The following ZBTB7C variants were observed in gnomAD, a reference collection of about 807,000 sequenced individuals.
The protein encoded by ZBTB7C is zinc finger and BTB domain-containing protein 7C.
In ZBTB7C, 8 loss-of-function variants were observed where a neutral mutation model predicts 25.7. The observed-to-expected ratio is 0.31, with a 90% CI of 0.18 to 0.56. The LOEUF is 0.56. Ranked by LOEUF, ZBTB7C falls within the 20% of genes least tolerant of loss-of-function variation. ZBTB7C has a pLI of 0.91. For synonymous variants in ZBTB7C, 394 were observed against 369.0 expected, an observed-to-expected ratio of 1.07 and a Z score of -0.78; for missense variants, 824 against 855.2, an observed-to-expected ratio of 0.96 and a Z score of 0.46.
In ZBTB7C at chr18:48,302,244, C is replaced by T. The variant is rs902853099; in HGVS notation, c.-79+35930G>A. Among the ~76,000 whole-genome samples the T allele has an allele frequency of 7.9e-5, 12 of 152,262 alleles. No individual in the cohort carries two copies. The East Asian group carries it at 1.4e-3, about 17-fold the overall frequency. ...CACACAGGCCAGTGAGGAGAGTGGA[C>T]GCCCCTGGAGTCTGGCTTCAGGAGA... On this transcript the variant is annotated intron_variant, in intron 2 of 4. Coordinates refer to ENST00000590800, the MANE Select transcript of ZBTB7C (RefSeq NM_001318841.2).
chr18:48,295,974 G>T (rs773507448), intron 2 of ZBTB7C, among the ~76,000 whole-genome samples: 1 of 152,176 alleles, frequency 6.6e-6, no homozygotes, highest in Non-Finnish European at 1.5e-5. Context: ...CTAGGATCCC[G>T]GGCTCGGTCA....
At chr18:48,234,373 A>C (rs2043325975) in intron 2 of ZBTB7C, among the ~76,000 whole-genome samples, 2 of 152,362 alleles carry the variant, frequency 1.3e-5, no homozygotes, top group South Asian at 4.1e-4. Flanking sequence ...AAAAATTGAA[A>C]AACAAACATG....
chr18:48,353,918 C>T (rs539716591), intron 1 of ZBTB7C, among the ~76,000 whole-genome samples: 63 of 152,290 alleles, frequency 4.1e-4, no homozygotes, highest in African/African-American at 1.5e-3. Context: ...TCCATTGCAG[C>T]AGGGTGGGAA....
intron 2 of ZBTB7C, among the ~76,000 whole-genome samples, chr18:48,313,467 C>G (rs2045870691): frequency 6.6e-6 from 1 of 152,210 alleles, no homozygotes; most frequent in Admixed American, 6.5e-5. Flanking sequence ...ACCCCCTCCC[C>G]TGCTCCCCAA....
chr18:48,244,173 A>G (rs1192430172), intron 2 of ZBTB7C, among the ~76,000 whole-genome samples: 1 of 152,140 alleles, frequency 6.6e-6, no homozygotes, highest in East Asian at 1.9e-4. Flanking sequence ...GAATAAATAG[A>G]AGGAGGCCAA....
At chr18:48,367,713 C>T in intron 1 of ZBTB7C, among the ~76,000 whole-genome samples, 1 of 152,004 alleles carries the variant, frequency 6.6e-6, no homozygotes, top group Non-Finnish European at 1.5e-5. Context: ...CCTAGACTTC[C>T]ACTCCAACCC....
intron 3 of ZBTB7C, among the ~76,000 whole-genome samples, chr18:48,160,569 G>A (rs548941977): frequency 1.1e-4 from 16 of 152,210 alleles, no homozygotes; most frequent in South Asian, 6.2e-4. Context: ...TAAAGATCCC[G>A]GTTAAATAAT....
At chr18:48,075,198 T>C (rs1339039654) in intron 3 of ZBTB7C, among the ~76,000 whole-genome samples, 4 of 152,212 alleles carry the variant, frequency 2.6e-5, no homozygotes, top group Non-Finnish European at 5.9e-5. Flanking sequence ...GCTTCATCAA[T>C]GTGCTGGGTA....
At chr18:48,412,004 C>T (rs549780950), upstream of ZBTB7C, among the ~76,000 whole-genome samples, 1 of 152,314 alleles carries the variant, frequency 6.6e-6, no homozygotes, top group Admixed American at 6.5e-5. Flanking sequence ...CAGTTATCAG[C>T]CATGTATCCT....
At chr18:48,162,339 C>T in intron 3 of ZBTB7C, 1 of 456,306 alleles carries the variant, frequency 2.2e-6, no homozygotes, top group Non-Finnish European at 4.4e-6. Flanking sequence ...TGAAGCCCAG[C>T]TCACCTACCT....
intron 1 of ZBTB7C, among the ~76,000 whole-genome samples, chr18:48,364,918 AC>A (rs1471194231): frequency 2.0e-5 from 3 of 152,200 alleles, no homozygotes; most frequent in Non-Finnish European, 4.4e-5. Context: ...TGGCCAGCTT[AC>A]TAAACACAGT....
intron 2 of ZBTB7C, among the ~76,000 whole-genome samples, chr18:48,195,343 A>T (rs541779338): frequency 6.6e-6 from 1 of 152,098 alleles, no homozygotes; most frequent in Non-Finnish European, 1.5e-5. Context: ...ATGTGGTGGG[A>T]GGTAATTGAA....
At chr18:48,224,157 T>C (rs748895959) in intron 2 of ZBTB7C, among the ~76,000 whole-genome samples, 51 of 152,318 alleles carry the variant, frequency 3.3e-4, no homozygotes, top group Non-Finnish European at 3.7e-4. Flanking sequence ...CAGTTGTCTA[T>C]GGTCTCTGCT....
At chr18:48,065,646 C>T (rs771739016) in intron 3 of ZBTB7C, among the ~76,000 whole-genome samples, 14 of 152,180 alleles carry the variant, frequency 9.2e-5, no homozygotes, top group Non-Finnish European at 1.3e-4. Context: ...GGGGCAAAGC[C>T]ACTGGTTGGG....
At chr18:48,109,735 T>C (rs1371870597) in intron 3 of ZBTB7C, among the ~76,000 whole-genome samples, 7 of 152,026 alleles carry the variant, frequency 4.6e-5, no homozygotes, top group Admixed American at 6.6e-5. Context: ...GGAGGTGCAT[T>C]TCCTATATGC....
chr18:48,335,309 C>T (rs114072816), intron 2 of ZBTB7C, among the ~76,000 whole-genome samples: 2,710 of 152,252 alleles, frequency 0.018, 77 homozygotes, highest in African/African-American at 0.062. Context: ...TTGATCGTCA[C>T]GGGGCAATTA....
At chr18:48,032,336 T>C (rs895998240) in intron 4 of ZBTB7C, among the ~76,000 whole-genome samples, 1 of 151,684 alleles carries the variant, frequency 6.6e-6, no homozygotes, top group East Asian at 1.9e-4. Flanking sequence ...AGGCTGGTCT[T>C]GAACTCCTGA....
chr18:48,155,275 A>T (rs2144913404), intron 3 of ZBTB7C, among the ~76,000 whole-genome samples: 1 of 151,152 alleles, frequency 6.6e-6, no homozygotes, highest in African/African-American at 2.4e-5. Flanking sequence ...CCCAGATACA[A>T]GAGGTAGCCA....
intron 2 of ZBTB7C, among the ~76,000 whole-genome samples, chr18:48,195,663 C>G (rs1105738): frequency 0.3 from 46,076 of 151,964 alleles, 7,319 homozygotes; most frequent in East Asian, 0.55. Flanking sequence ...TTTTTTTCCA[C>G]TTGAATGACA....
Sources: allele counts gnomAD v4.1 joint callset (sites outside exome capture counted in the v4.1 genomes callset), GRCh38; gene constraint gnomAD v4.1.1; transcripts MANE v1.5; gene names NCBI Gene and HGNC (gene_info 2026-07-23, HGNC 2026-07-21).